Variants in ATRNL1 observed in about 807,000 individuals in gnomAD.
ATRNL1 encodes the protein attractin-like protein 1.
Under a neutral mutation model 182.7 loss-of-function variants are expected in ATRNL1, and 95 were observed. The observed-to-expected ratio is 0.52, with a 90% CI of 0.44 to 0.62. ATRNL1 has a LOEUF of 0.62. Among genes scored for constraint, ATRNL1 ranks in the 20% least tolerant of loss-of-function variants. The pLI, the probability that ATRNL1 is intolerant of heterozygous loss-of-function variation, is 0.00. For synonymous variants in ATRNL1, 576 were observed against 568.3 expected, an observed-to-expected ratio of 1.01 and a Z score of -0.19; for missense variants, 1,471 against 1,679.5, an observed-to-expected ratio of 0.88 and a Z score of 2.17.
chr10:115,184,577 T>C (rs1345419309), intron 8 of ATRNL1, among the ~76,000 whole-genome samples: 1 of 151,708 alleles, frequency 6.6e-6, no homozygotes. Context: ...AGTATGTTGG[T>C]TATTTACAAG....
chr10:115,127,219 C>G (rs1564754900), intron 3 of ATRNL1, among the ~76,000 whole-genome samples: 2 of 151,942 alleles, frequency 1.3e-5, no homozygotes, highest in Admixed American at 6.6e-5. Flanking sequence ...AGTAAAGGTA[C>G]AGGGTTTTAT....
chr10:115,813,063 T>G (rs1950083393), intron 27 of ATRNL1, among the ~76,000 whole-genome samples: 1 of 152,144 alleles, frequency 6.6e-6, no homozygotes, highest in South Asian at 2.1e-4. Flanking sequence ...ATCCATTCTT[T>G]CACACTGTTA....
At chr10:115,752,489 A>G (rs78098616) in intron 27 of ATRNL1, among the ~76,000 whole-genome samples, 2,089 of 152,204 alleles carry the variant, frequency 0.014, 23 homozygotes, top group Middle Eastern at 0.024. Flanking sequence ...GAATGAGGGT[A>G]ACAGACAATA....
chr10:115,251,176 C>A (rs114248094), intron 10 of ATRNL1, among the ~76,000 whole-genome samples: 1,777 of 152,196 alleles, frequency 0.012, 30 homozygotes, highest in African/African-American at 0.039. Flanking sequence ...GTTTGCCAAA[C>A]TGATGATTTA....
At chr10:115,376,289 T>C (rs1857666953) in intron 19 of ATRNL1, among the ~76,000 whole-genome samples, 2 of 148,194 alleles carry the variant, frequency 1.3e-5, no homozygotes, top group South Asian at 4.1e-4. Flanking sequence ...CCTTTGACTT[T>C]ATTTATTTAT....
At chr10:115,929,415 A>T (rs562138621) in intron 28 of ATRNL1, among the ~76,000 whole-genome samples, 1 of 152,220 alleles carries the variant, frequency 6.6e-6, no homozygotes, top group Non-Finnish European at 1.5e-5. Context: ...ATCCTATCTT[A>T]TATTTATGTC....
chr10:115,739,026 T>C (rs1232608171), intron 27 of ATRNL1, among the ~76,000 whole-genome samples: 3 of 152,072 alleles, frequency 2.0e-5, no homozygotes, highest in African/African-American at 7.2e-5. Context: ...CATTGCACTA[T>C]TGAAATATTA....
chr10:115,646,650 C>A, intron 26 of ATRNL1, among the ~76,000 whole-genome samples: 1 of 149,930 alleles, frequency 6.7e-6, no homozygotes, highest in South Asian at 2.1e-4. Flanking sequence ...TTTATGATAA[C>A]CATTGTTAAT....
At chr10:115,825,806 A>G (rs577144440) in intron 27 of ATRNL1, among the ~76,000 whole-genome samples, 28 of 152,254 alleles carry the variant, frequency 1.8e-4, no homozygotes, top group Middle Eastern at 3.4e-3. Context: ...CAGTTAGTCA[A>G]CTTCATATAG....
At chr10:115,365,097 A>G (rs1235703583) in intron 19 of ATRNL1, among the ~76,000 whole-genome samples, 1 of 150,016 alleles carries the variant, frequency 6.7e-6, no homozygotes, top group African/African-American at 2.4e-5. Flanking sequence ...AAGGAATGGT[A>G]CCAGTTCCTC....
intron 25 of ATRNL1, among the ~76,000 whole-genome samples, chr10:115,542,249 C>T (rs1554992241): frequency 2.6e-5 from 4 of 152,002 alleles, no homozygotes; most frequent in African/African-American, 7.3e-5. Flanking sequence ...GCTCTGTAGC[C>T]TCAAAATCTG....
intron 27 of ATRNL1, among the ~76,000 whole-genome samples, chr10:115,739,578 G>C (rs1555067101): frequency 6.6e-6 from 1 of 152,156 alleles, no homozygotes; most frequent in Non-Finnish European, 1.5e-5. Flanking sequence ...GGGTAAATTT[G>C]AGTATTGTCA....
At chr10:115,755,898 G>T (rs557696621) in intron 27 of ATRNL1, among the ~76,000 whole-genome samples, 1 of 152,258 alleles carries the variant, frequency 6.6e-6, no homozygotes, top group South Asian at 2.1e-4. Context: ...TTTGTCTTGG[G>T]AGGGTGTGTG....
At chr10:115,379,174 G>A (rs1554950358) in intron 19 of ATRNL1, among the ~76,000 whole-genome samples, 1 of 151,998 alleles carries the variant, frequency 6.6e-6, no homozygotes, top group East Asian at 1.9e-4. Flanking sequence ...TTCCTTTAGT[G>A]TATATCTAGA....
chr10:115,722,326 C>T (rs551255634), intron 26 of ATRNL1, among the ~76,000 whole-genome samples: 4 of 152,024 alleles, frequency 2.6e-5, no homozygotes, highest in Admixed American at 1.3e-4. Context: ...TAATGACTAA[C>T]ATCACTATCT....
At chr10:115,870,706 G>C (rs1308291220) in intron 28 of ATRNL1, among the ~76,000 whole-genome samples, 4 of 152,158 alleles carry the variant, frequency 2.6e-5, no homozygotes, top group African/African-American at 7.2e-5. Context: ...ATGAAACGCA[G>C]TAAAACATTA....
At chr10:115,099,333 A>G (rs113090256) in intron 1 of ATRNL1, among the ~76,000 whole-genome samples, 24 of 152,314 alleles carry the variant, frequency 1.6e-4, no homozygotes, top group African/African-American at 5.5e-4. Context: ...TCAACTGCTG[A>G]TGGACATTTG....
intron 21 of ATRNL1, 66 bp from the exon 22 acceptor site, chr10:115,461,875 T>G (rs1466366921): frequency 9.9e-7 from 1 of 1,011,340 alleles, no homozygotes; most frequent in African/African-American, 1.6e-5. Flanking sequence ...TATTGTAACC[T>G]AAATTTTGCT....
intron 19 of ATRNL1, among the ~76,000 whole-genome samples, chr10:115,342,820 T>C (rs1855811819): frequency 6.6e-6 from 1 of 152,128 alleles, no homozygotes; most frequent in Non-Finnish European, 1.5e-5. Flanking sequence ...TCTGGGAAAG[T>C]CTTTATTTCT....
Sources: gnomAD v4.1 joint callset for allele counts (sites outside exome capture counted in the v4.1 genomes callset) on GRCh38, gnomAD v4.1.1 for gene constraint, MANE v1.5 for transcripts, NCBI Gene and HGNC (gene_info 2026-07-23, HGNC 2026-07-21) for gene names.